Variants in MYT1L observed in about 807,000 individuals in gnomAD.
The protein encoded by MYT1L is myelin transcription factor 1-like protein.
A neutral mutation model predicts 126.7 loss-of-function variants in MYT1L; 12 were observed. That is an observed-to-expected ratio of 0.09 (90% CI 0.06 to 0.15). The LOEUF (loss-of-function observed/expected upper bound fraction) is 0.15. Ranked by LOEUF, MYT1L falls within the 10% of genes least tolerant of loss-of-function variation. MYT1L has a pLI of 1.00. For synonymous variants in MYT1L, 541 were observed against 604.2 expected (o/e 0.90, Z 1.53); for missense variants, 979 against 1,585.2 (o/e 0.62, Z 6.49).
chr2:1,892,054 C>CCTGCGGCTTGGTGCTCAGGTT lies in MYT1L; in HGVS notation c.2245_2265dup (p.Asn749_Gln755dup). On this transcript the variant is annotated inframe_insertion, in exon 15 of 25. Coordinates refer to ENST00000647738, the MANE Select transcript of MYT1L (RefSeq NM_001303052.2). ...GCGCGTACCCGCGTGGCGCACAGGT[C>CCTGCGGCTTGGTGCTCAGGTT]CTGCGGCTTGGTGCTCAGGTTCTGC... 1 of 1,536,932 alleles carries CCTGCGGCTTGGTGCTCAGGTT rather than the reference C, an allele frequency of 6.5e-7. No individual in the cohort carries two copies. Among genetic ancestry groups the CCTGCGGCTTGGTGCTCAGGTT allele is most frequent in the Non-Finnish European group, 8.7e-7 (1 of 1,144,670 alleles).
intron 1 of MYT1L, among the ~76,000 whole-genome samples, chr2:2,287,073 A>G (rs1039748531): frequency 6.6e-6 from 1 of 152,142 alleles, no homozygotes; most frequent in Non-Finnish European, 1.5e-5. Context: ...TCTGACCAAC[A>G]TGGAGAAACC....
At chr2:2,030,146 G>A (rs1454203114) in intron 4 of MYT1L, among the ~76,000 whole-genome samples, 15 of 152,180 alleles carry the variant, frequency 9.9e-5, no homozygotes, top group Admixed American at 7.9e-4. Context: ...CGCCCAGGCT[G>A]GAGTGCAATG....
intron 3 of MYT1L, among the ~76,000 whole-genome samples, chr2:2,147,109 T>C (rs375186919): frequency 2.6e-4 from 40 of 152,308 alleles, no homozygotes; most frequent in African/African-American, 9.6e-4. Context: ...GCTAGCAGGC[T>C]TGAAAAGACC....
intron 20 of MYT1L, among the ~76,000 whole-genome samples, chr2:1,840,251 C>T (rs998199997): frequency 3.3e-5 from 5 of 152,006 alleles, no homozygotes; most frequent in East Asian, 3.9e-4. Flanking sequence ...GCATGGCTGG[C>T]GTGGGATGGG....
chr2:2,117,442 A>G (rs1457821718), intron 3 of MYT1L, among the ~76,000 whole-genome samples: 2 of 152,098 alleles, frequency 1.3e-5, no homozygotes, highest in African/African-American at 4.8e-5. Flanking sequence ...TTCAGTGGGC[A>G]TCGTTGGATC....
Position 2,028,569 on chromosome 2 carries a change from TA to T in MYT1L, c.-158+25408del, listed in dbSNP as rs1263015499. Among the ~76,000 whole-genome samples, 11 of 151,912 alleles carry T rather than the reference TA, an allele frequency of 7.2e-5. No homozygotes were observed. In the South Asian group the frequency reaches 1.2e-3, roughly 17 times the overall value. ...TTGAAAGGAGAATTTTAGAGGAAAT[TA>T]AAAAAAATGAAGTAATATTTTGTGT... On this transcript the variant is annotated intron_variant, in intron 4 of 24. Coordinates refer to ENST00000647738, the MANE Select transcript of MYT1L (RefSeq NM_001303052.2).
rs912046070 is a variant in MYT1L at position 1,852,100 on chromosome 2, A to G, written c.2712-397T>C. On this transcript the variant is annotated intron_variant, in intron 18 of 24. Coordinates refer to ENST00000647738, the MANE Select transcript of MYT1L (RefSeq NM_001303052.2). The surrounding 1 kb of genome is among the most constrained non-coding windows in gnomAD (Gnocchi z 4.0). ...AAGCAAGGCTCACACATGAACAGAC[A>G]TGCCCTGGGGTCTGAGAGAATGGTT... 6.6e-6 allele frequency among the ~76,000 whole-genome samples: 1 copy of G among 152,216 alleles called. No homozygotes were observed.
chr2:1,807,139 G>A (rs1157687851), intron 22 of MYT1L, among the ~76,000 whole-genome samples: 2 of 152,188 alleles, frequency 1.3e-5, no homozygotes, highest in Non-Finnish European at 2.9e-5. Context: ...GAGCAGCCTG[G>A]GGGACAGGAT....
At chr2:2,112,888 GT>G (rs1226305009) in intron 3 of MYT1L, among the ~76,000 whole-genome samples, 2 of 152,198 alleles carry the variant, frequency 1.3e-5, no homozygotes, top group Non-Finnish European at 2.9e-5. Flanking sequence ...CTTGGGTTAG[GT>G]TTCATCATCT....
intron 9 of MYT1L, among the ~76,000 whole-genome samples, chr2:1,925,839 A>C (rs550152611): frequency 6.6e-6 from 1 of 152,292 alleles, no homozygotes; most frequent in Admixed American, 6.5e-5. Flanking sequence ...TGGTGACCCA[A>C]GTCTCCAAGA....
At chr2:1,834,190 G>C (rs2040532092) in intron 21 of MYT1L, among the ~76,000 whole-genome samples, 2 of 152,238 alleles carry the variant, frequency 1.3e-5, no homozygotes, top group Non-Finnish European at 2.9e-5. Context: ...TTTGCGCAGT[G>C]GGTGGGATGC....
chr2:1,795,382 T>G (rs561880801), intron 23 of MYT1L: 1 of 152,228 alleles, frequency 6.6e-6, no homozygotes, highest in Non-Finnish European at 1.5e-5. Context: ...GCGGCGGTCA[T>G]GGGAGACAGC....
chr2:2,155,906 C>T (rs1048619411), intron 3 of MYT1L, among the ~76,000 whole-genome samples: 2 of 152,080 alleles, frequency 1.3e-5, no homozygotes, highest in Admixed American at 6.6e-5. Context: ...TGTGCAACTC[C>T]AACCCTGTGA....
At chr2:1,837,957 G>T (rs2041135933) in intron 21 of MYT1L, among the ~76,000 whole-genome samples, 1 of 151,578 alleles carries the variant, frequency 6.6e-6, no homozygotes, top group African/African-American at 2.4e-5. Context: ...TGTCACCCAG[G>T]CTGGAGTGCA....
intron 3 of MYT1L, among the ~76,000 whole-genome samples, chr2:2,096,184 ATTC>A (rs752207746): frequency 1.3e-5 from 2 of 152,188 alleles, no homozygotes; most frequent in African/African-American, 2.4e-5. Flanking sequence ...CAGGATTTCT[ATTC>A]TTCTTTCCTT....
intron 2 of MYT1L, among the ~76,000 whole-genome samples, chr2:2,184,244 TTC>T (rs1398936198): frequency 4.6e-5 from 7 of 152,198 alleles, no homozygotes; most frequent in Non-Finnish European, 7.3e-5. Flanking sequence ...TCTAAATATA[TTC>T]TTATTAATGA....
In MYT1L at chr2:1,836,115, T is replaced by G. The variant is rs552533094; in HGVS notation, c.3080+3034A>C. On this transcript the variant is annotated intron_variant, in intron 21 of 24. Transcript: ENST00000647738. Reference sequence around the variant, plus strand: ...GGAGGGAAGTGAGAGGCATACAGCTTTCCAGAGAAGGGAGCTTCTAGCATT... The same window carrying G: ...GGAGGGAAGTGAGAGGCATACAGCTGTCCAGAGAAGGGAGCTTCTAGCATT... Among the ~76,000 whole-genome samples, 20 of 152,178 alleles carry G rather than the reference T, an allele frequency of 1.3e-4. No individual in the cohort carries two copies. The South Asian group carries it at 4.1e-3, about 32-fold the overall frequency.
intron 2 of MYT1L, among the ~76,000 whole-genome samples, chr2:2,214,303 A>G (rs1277247267): frequency 1.3e-5 from 2 of 149,932 alleles, no homozygotes; most frequent in Non-Finnish European, 3.0e-5. Flanking sequence ...CTATCTATCT[A>G]TGTTTGAAGT....
intron 1 of MYT1L, among the ~76,000 whole-genome samples, chr2:2,319,718 A>C (rs961201768): frequency 2.6e-5 from 4 of 151,908 alleles, no homozygotes; most frequent in African/African-American, 9.7e-5. Context: ...AAGAAAAGTA[A>C]ACCTAGAAGT....
Sources: allele counts gnomAD v4.1 joint callset (sites outside exome capture counted in the v4.1 genomes callset), GRCh38; gene constraint gnomAD v4.1.1; non-coding constraint Gnocchi (gnomAD v3.1); transcripts MANE v1.5; gene names NCBI Gene and HGNC (gene_info 2026-07-23, HGNC 2026-07-21).